GFPT1: variants seen among roughly 807,000 people sequenced by gnomAD.
GFPT1 encodes the protein glutamine--fructose-6-phosphate transaminase 1.
GFPT1 carries 40 observed loss-of-function variants against 92.0 expected under a neutral mutation model. That is an observed-to-expected ratio of 0.43 (90% CI 0.34 to 0.57). GFPT1 has a LOEUF of 0.57. Ranked by LOEUF, GFPT1 falls within the 20% of genes least tolerant of loss-of-function variation. GFPT1 has a pLI of 0.02. For missense variants in GFPT1, 448 were observed against 869.1 expected (o/e 0.52, Z 6.09); for synonymous variants, 269 against 280.6 (o/e 0.96, Z 0.41).
intron 1 of GFPT1, among the ~76,000 whole-genome samples, chr2:69,383,968 A>G (rs1010246466): frequency 6.6e-6 from 1 of 152,228 alleles, no homozygotes; most frequent in Non-Finnish European, 1.5e-5. Flanking sequence ...TCAGAAGGGT[A>G]TAACTTCACA....
chr2:69,353,415 T>A (rs1671259551), intron 9 of GFPT1, among the ~76,000 whole-genome samples: 1 of 152,174 alleles, frequency 6.6e-6, no homozygotes, highest in African/African-American at 2.4e-5. Flanking sequence ...ATGCCTGTGG[T>A]CCCAGCTACT....
At chr2:69,359,512 T>C (rs1044439595) in intron 4 of GFPT1, among the ~76,000 whole-genome samples, 186 bp from the exon 5 acceptor site, 8 of 152,182 alleles carry the variant, frequency 5.3e-5, no homozygotes, top group African/African-American at 1.9e-4. Flanking sequence ...ATCAGCAGCA[T>C]TGTTTATGTG....
At chr2:69,379,970 C>T (rs754843174) in intron 1 of GFPT1, among the ~76,000 whole-genome samples, 16 of 151,842 alleles carry the variant, frequency 1.1e-4, no homozygotes, top group African/African-American at 1.7e-4. Context: ...CCTCTTGTTT[C>T]GGCCTCCCAA....
intron 1 of GFPT1, among the ~76,000 whole-genome samples, chr2:69,383,151 G>A (rs1389372777): frequency 6.6e-6 from 1 of 152,118 alleles, no homozygotes; most frequent in Non-Finnish European, 1.5e-5. Flanking sequence ...ATGCTAAAAA[G>A]GAATGAAGTA....
intron 1 of GFPT1, among the ~76,000 whole-genome samples, chr2:69,380,826 G>A (rs1287457141): frequency 3.3e-5 from 5 of 152,108 alleles, no homozygotes; most frequent in African/African-American, 7.2e-5. Context: ...TGGGCCCTCC[G>A]AACTGCTGAC....
chr2:69,321,854 A>T lies in GFPT1; in HGVS notation c.*4335T>A, dbSNP rs1670409226. On this transcript the variant is annotated 3_prime_UTR_variant, in exon 20 of 20. Coordinates refer to ENST00000357308, the MANE Select transcript of GFPT1 (RefSeq NM_001244710.2). The stretch of plus-strand genomic sequence containing the variant: ...TCGCTAGCCATTATTTATGGTAATT[A>T]CATAACATTTTGATGTCAAGTTATT... 3 of 152,334 alleles carry T rather than the reference A, an allele frequency of 2.0e-5. No homozygotes were observed. Among genetic ancestry groups the T allele is most frequent in the African/African-American group, 7.2e-5 (3 of 41,592 alleles). The allele number at this position is 152,334 out of a possible 1,614,324, so 9.4% of individuals were successfully genotyped here.
At chr2:69,339,846 GCTC>G (rs1235760136) in intron 13 of GFPT1, among the ~76,000 whole-genome samples, 5 of 151,966 alleles carry the variant, frequency 3.3e-5, no homozygotes, top group Non-Finnish European at 4.4e-5. Context: ...AAGATAAAAT[GCTC>G]CTATTTTTTA....
intron 3 of GFPT1, among the ~76,000 whole-genome samples, chr2:69,369,243 T>TG (rs1194299308): frequency 2.6e-5 from 4 of 151,732 alleles, no homozygotes; most frequent in East Asian, 3.9e-4. Flanking sequence ...ATGGCTTATG[T>TG]GGGAAAAAAA....
intron 11 of GFPT1, 87 bp from the exon 12 acceptor site, chr2:69,346,086 C>T (rs187806443): frequency 1.3e-6 from 1 of 788,072 alleles, no homozygotes; most frequent in African/African-American, 1.7e-5. Flanking sequence ...TTAATATAAT[C>T]TTGGTAAATA....
intron 13 of GFPT1, among the ~76,000 whole-genome samples, chr2:69,338,832 G>A (rs191249650): frequency 7.9e-6 from 1 of 127,128 alleles, no homozygotes; most frequent in Non-Finnish European, 1.5e-5. Flanking sequence ...ACGGAGTCTC[G>A]CTCTGTCGCC....
chr2:69,377,889 A>C (rs1225042403), intron 1 of GFPT1, among the ~76,000 whole-genome samples: 1 of 152,242 alleles, frequency 6.6e-6, no homozygotes, highest in Non-Finnish European at 1.5e-5. Flanking sequence ...TTCATCAGGT[A>C]CACAGGGCAT....
rs753322710 is a variant in GFPT1, at chr2:69,356,481, T to A, written c.605+15A>T. On this transcript the variant is annotated intron_variant, in intron 7 of 19. Transcript: ENST00000357308. ...TATGTTGAAATACATTAGTCATTGT[T>A]AGAGTTATATGTACCTTGTGCCAAC... 3 of 1,574,478 alleles carry A rather than the reference T, an allele frequency of 1.9e-6. No individual in the cohort carries two copies. In the Admixed American group the frequency reaches 5.0e-5, roughly 26 times the overall value.
At chr2:69,381,296 T>C (rs951516832) in intron 1 of GFPT1, among the ~76,000 whole-genome samples, 2 of 152,118 alleles carry the variant, frequency 1.3e-5, no homozygotes, top group African/African-American at 4.8e-5. Flanking sequence ...ATTAAAGTCT[T>C]CATTTTCTTT....
chr2:69,357,653 T>G (rs1390317096), intron 6 of GFPT1, among the ~76,000 whole-genome samples: 1 of 152,154 alleles, frequency 6.6e-6, no homozygotes, highest in Non-Finnish European at 1.5e-5. Flanking sequence ...ATTTGGGAAG[T>G]AAAGGACTTT....
At chr2:69,361,592 CAA>C (rs1316048375) in intron 4 of GFPT1, among the ~76,000 whole-genome samples, 1 of 152,026 alleles carries the variant, frequency 6.6e-6, no homozygotes, top group African/African-American at 2.4e-5. Context: ...TTGTCAGTGT[CAA>C]AAGTCTAAAT....
intron 12 of GFPT1, 63 bp from the exon 13 acceptor site, chr2:69,342,312 T>G: frequency 1.0e-6 from 1 of 955,630 alleles, no homozygotes; most frequent in Non-Finnish European, 1.7e-6. Context: ...GGCAATCGCA[T>G]TTTGTGAGTA....
At chr2:69,361,133 T>C (rs1671462499) in intron 4 of GFPT1, among the ~76,000 whole-genome samples, 1 of 152,032 alleles carries the variant, frequency 6.6e-6, no homozygotes, top group Non-Finnish European at 1.5e-5. Flanking sequence ...TTAGAGATGA[T>C]AGCAACCACA....
At chr2:69,366,658 C>T (rs535130341) in intron 3 of GFPT1, among the ~76,000 whole-genome samples, 33 of 152,336 alleles carry the variant, frequency 2.2e-4, no homozygotes, top group African/African-American at 7.2e-4. Flanking sequence ...ATCCTACCTG[C>T]AATCCCTCAA....
intron 15 of GFPT1, among the ~76,000 whole-genome samples, chr2:69,334,142 G>A (rs1004200509): frequency 1.3e-5 from 2 of 151,910 alleles, no homozygotes; most frequent in Non-Finnish European, 2.9e-5. Flanking sequence ...GGCAACAAGA[G>A]CAAAACTCCA....
Sources: allele counts gnomAD v4.1 joint callset (sites outside exome capture counted in the v4.1 genomes callset), GRCh38; gene constraint gnomAD v4.1.1; transcripts MANE v1.5; gene names NCBI Gene and HGNC (gene_info 2026-07-23, HGNC 2026-07-21).